CDKAL1: variants seen among roughly 807,000 people sequenced by gnomAD.
CDKAL1 encodes threonylcarbamoyladenosine tRNA methylthiotransferase.
A neutral mutation model predicts 68.2 loss-of-function variants in CDKAL1; 32 were observed. That is an observed-to-expected ratio of 0.47 (90% confidence interval 0.35 to 0.63). The LOEUF (loss-of-function observed/expected upper bound fraction) is 0.63, where lower values mean the gene tolerates loss of function less well. CDKAL1 is among the 30% of genes least tolerant of loss of function. The pLI, the probability that CDKAL1 is intolerant of heterozygous loss-of-function variation, is 0.00. For synonymous variants in CDKAL1, 234 were observed against 244.3 expected (o/e 0.96, Z 0.39); for missense variants, 606 against 696.7 (o/e 0.87, Z 1.47).
chr6:21,122,015 AT>A (rs1774746684), intron 13 of CDKAL1, among the ~76,000 whole-genome samples: 1 of 152,218 alleles, frequency 6.6e-6, no homozygotes, highest in South Asian at 2.1e-4. Flanking sequence ...ACCTGATTTC[AT>A]TTTAAAAATA....
intron 15 of CDKAL1, among the ~76,000 whole-genome samples, chr6:21,211,593 G>C (rs1779149538): frequency 6.6e-6 from 1 of 152,206 alleles, no homozygotes. Context: ...TACTGCCTCA[G>C]CACAGGAGTG....
chr6:21,163,004 T>A (rs1776987935), intron 13 of CDKAL1, among the ~76,000 whole-genome samples: 2 of 152,134 alleles, frequency 1.3e-5, no homozygotes, highest in Admixed American at 1.3e-4. Flanking sequence ...AGAGAGGGCC[T>A]GGCTTGAATA....
At chr6:20,688,489 T>C (rs868265496) in intron 5 of CDKAL1, among the ~76,000 whole-genome samples, 15 of 152,200 alleles carry the variant, frequency 9.9e-5, no homozygotes, top group Admixed American at 3.9e-4. Context: ...TCTATTGTGA[T>C]ATCTTCAAGC....
chr6:20,660,966 T>C (rs985079868), intron 5 of CDKAL1, among the ~76,000 whole-genome samples: 3 of 151,694 alleles, frequency 2.0e-5, no homozygotes, highest in African/African-American at 7.3e-5. Context: ...ACCACCAAAA[T>C]TGAAAAAAAA....
intron 11 of CDKAL1, among the ~76,000 whole-genome samples, chr6:21,010,933 T>G (rs1451431492): frequency 2.0e-5 from 3 of 148,322 alleles, no homozygotes; most frequent in Non-Finnish European, 4.4e-5. Flanking sequence ...ATACAAAAAA[T>G]TAGCTGGGCA....
chr6:20,792,352 G>A (rs931923546), intron 8 of CDKAL1, among the ~76,000 whole-genome samples: 1 of 152,120 alleles, frequency 6.6e-6, no homozygotes, highest in African/African-American at 2.4e-5. Flanking sequence ...ACTGGTTTCA[G>A]TTTTTAAACA....
At chr6:21,008,718 C>T (rs773673679) in intron 11 of CDKAL1, among the ~76,000 whole-genome samples, 2 of 152,122 alleles carry the variant, frequency 1.3e-5, no homozygotes, top group Non-Finnish European at 1.5e-5. Flanking sequence ...TCCTTGACAC[C>T]CCCACAACTC....
chr6:21,067,820 C>T (rs1423636148), intron 12 of CDKAL1, among the ~76,000 whole-genome samples: 1 of 151,960 alleles, frequency 6.6e-6, no homozygotes, highest in South Asian at 2.1e-4. Flanking sequence ...TTTGCAATCC[C>T]AACAACAATA....
In CDKAL1 at chr6:21,014,077, AAAG is replaced by A. The variant is rs147159914; in HGVS notation, c.1055+13709_1055+13711del. ...CAGCCAGGAAGAAGGAGAAAGAGTT[AAAG>A]AAGTGTGTGCCCCACCCTACCTTGA... On this transcript the variant is annotated intron_variant, in intron 11 of 15. Transcript: ENST00000274695. Among the ~76,000 whole-genome samples the A allele has an allele frequency of 1.4e-3, 206 of 152,310 alleles. 1 individual carries two copies. Among genetic ancestry groups the A allele is most frequent in the African/African-American group, 4.8e-3 (198 of 41,566 alleles).
At chr6:21,044,257 C>T (rs1045159509) in intron 11 of CDKAL1, among the ~76,000 whole-genome samples, 4 of 152,152 alleles carry the variant, frequency 2.6e-5, no homozygotes, top group Non-Finnish European at 4.4e-5. Flanking sequence ...CAGTTGGTCA[C>T]ATTACTGTTT....
chr6:20,547,349 A>G (rs1039567006), intron 3 of CDKAL1, among the ~76,000 whole-genome samples: 1 of 152,330 alleles, frequency 6.6e-6, no homozygotes, highest in East Asian at 1.9e-4. Flanking sequence ...GTTATTTCCA[A>G]ATAAAATTTT....
intron 4 of CDKAL1, among the ~76,000 whole-genome samples, chr6:20,627,474 G>C (rs949277253): frequency 2.0e-5 from 3 of 152,078 alleles, no homozygotes; most frequent in Non-Finnish European, 4.4e-5. Flanking sequence ...GGTCACATCT[G>C]ACCAGAAAGT....
chr6:20,613,542 TGA>T (rs1463976271), intron 4 of CDKAL1, among the ~76,000 whole-genome samples: 1 of 151,196 alleles, frequency 6.6e-6, no homozygotes, highest in Non-Finnish European at 1.5e-5. Flanking sequence ...TCCGAAGTGC[TGA>T]GATTACATGT....
intron 5 of CDKAL1, among the ~76,000 whole-genome samples, chr6:20,704,026 T>C (rs1168030550): frequency 6.6e-6 from 1 of 152,170 alleles, no homozygotes; most frequent in Non-Finnish European, 1.5e-5. Context: ...CAGGCCTGTG[T>C]TGGGGATTTC....
At chr6:20,680,019 T>C (rs1452381692) in intron 5 of CDKAL1, among the ~76,000 whole-genome samples, 1 of 151,998 alleles carries the variant, frequency 6.6e-6, no homozygotes, top group Non-Finnish European at 1.5e-5. Context: ...TATTTTTTTC[T>C]TTTTTGCTTT....
intron 15 of CDKAL1, among the ~76,000 whole-genome samples, chr6:21,229,409 C>G (rs1779871053): frequency 6.6e-6 from 1 of 152,270 alleles, no homozygotes; most frequent in African/African-American, 2.4e-5. Context: ...ATTTTCTACC[C>G]CATTCTCCTG....
chr6:20,820,162 G>A (rs1384656426), intron 8 of CDKAL1, among the ~76,000 whole-genome samples: 1 of 152,158 alleles, frequency 6.6e-6, no homozygotes. Context: ...TATGTAGGCT[G>A]CATTGTCACC....
At chr6:20,879,981 C>T (rs1476350599) in intron 9 of CDKAL1, among the ~76,000 whole-genome samples, 1 of 152,092 alleles carries the variant, frequency 6.6e-6, no homozygotes, top group Non-Finnish European at 1.5e-5. Context: ...TTTTATTTAT[C>T]AAGATAGTAG....
chr6:20,823,756 C>T (rs976536029), intron 8 of CDKAL1, among the ~76,000 whole-genome samples: 10 of 152,082 alleles, frequency 6.6e-5, no homozygotes, highest in African/African-American at 2.2e-4. Context: ...ATCATACAAA[C>T]GAATGCTGCG....
Sources: allele counts gnomAD v4.1 joint callset (sites outside exome capture counted in the v4.1 genomes callset), GRCh38; gene constraint gnomAD v4.1.1; transcripts MANE v1.5; gene names NCBI Gene and HGNC (gene_info 2026-07-23, HGNC 2026-07-21).